Variants in MERTK observed in about 807,000 individuals in gnomAD.
The protein encoded by MERTK is tyrosine-protein kinase Mer.
In MERTK, 69 loss-of-function variants were observed where a neutral mutation model predicts 99.3. The observed-to-expected ratio is 0.70, with a 90% CI of 0.57 to 0.85. MERTK has a LOEUF of 0.85. Among genes scored for constraint, MERTK ranks in the 40% least tolerant of loss-of-function variants. MERTK has a pLI of 0.00. For synonymous variants in MERTK, 426 were observed against 467.6 expected (o/e 0.91, Z 1.15); for missense variants, 1,125 against 1,249.4 (o/e 0.90, Z 1.50).
chr2:111,920,706 T>TGCA (rs1347527203), intron 1 of MERTK, among the ~76,000 whole-genome samples: 2 of 152,106 alleles, frequency 1.3e-5, no homozygotes, highest in Non-Finnish European at 2.9e-5. Flanking sequence ...TACGCTGGAG[T>TGCA]GCAGTGGCGT....
Position 112,009,248 on chromosome 2 carries a change from A to T in MERTK, c.1961-700A>T, listed in dbSNP as rs186407800. On this transcript the variant is annotated intron_variant, in intron 14 of 18. Coordinates refer to ENST00000295408, the MANE Select transcript of MERTK (RefSeq NM_006343.3). ...TATACAGTATTATGTCAAATAAGCT[A>T]CTGTTATTCATTCACTGCTATTGGC... Among the ~76,000 whole-genome samples, 437 of 152,312 alleles carry T rather than the reference A, an allele frequency of 2.9e-3. 3 individuals carry two copies. Among genetic ancestry groups the T allele is most frequent in the African/African-American group, 6.4e-3 (264 of 41,566 alleles).
Position 111,901,559 on chromosome 2 carries a change from CT to C in MERTK, c.61+2779del, listed in dbSNP as rs11459119. On this transcript the variant is annotated intron_variant, in intron 1 of 18. Transcript: ENST00000295408. Reference sequence around the variant, plus strand: ...TGGAATTCTTTTCTTTTCTTTCTTTCTTTTTTTTTTTTTTTTGGCAGGTTCT... The same window carrying C: ...TGGAATTCTTTTCTTTTCTTTCTTTCTTTTTTTTTTTTTTTGGCAGGTTCT... Among the ~76,000 whole-genome samples the C allele has an allele frequency of 7.7e-4, 101 of 131,166 alleles. 1 individual carries two copies. The highest frequency in any genetic ancestry group is 2.0e-3 in the Admixed American group (25 of 12,320). The allele number at this position is 131,166 out of a possible 152,430, so 86.0% of individuals were successfully genotyped here. A position where few individuals can be genotyped will look rare whatever the true frequency, so the allele number is the denominator to read the frequency against.
At chr2:111,975,233 C>G in intron 6 of MERTK, 56 bp from the exon 7 acceptor site, 1 of 1,568,714 alleles carries the variant, frequency 6.4e-7, no homozygotes, top group Non-Finnish European at 8.8e-7. Flanking sequence ...AGGCCCCGTG[C>G]CTGACATTCC....
At chr2:111,944,303 C>CAAAA (rs776451722) in intron 2 of MERTK, among the ~76,000 whole-genome samples, 12 of 68,060 alleles carry the variant, frequency 1.8e-4, no homozygotes, top group Non-Finnish European at 2.3e-4. Flanking sequence ...GAATCTGTCT[C>CAAAA]AAAAAAAAAA....
intron 1 of MERTK, among the ~76,000 whole-genome samples, chr2:111,903,471 GA>G (rs1329306818): frequency 2.0e-5 from 3 of 151,238 alleles, no homozygotes; most frequent in Non-Finnish European, 3.0e-5. Flanking sequence ...ATTCCAACTA[GA>G]AAAAAAAATG....
intron 1 of MERTK, among the ~76,000 whole-genome samples, chr2:111,909,793 A>G (rs559120105): frequency 6.6e-6 from 1 of 152,190 alleles, no homozygotes; most frequent in Admixed American, 6.5e-5. Context: ...GTTCATCTGC[A>G]TCTCATTATT....
At chr2:111,928,775 C>T (rs946803780) in intron 1 of MERTK, among the ~76,000 whole-genome samples, 19 of 152,168 alleles carry the variant, frequency 1.2e-4, no homozygotes, top group Admixed American at 8.5e-4. Context: ...TGTGAGCCAC[C>T]GCGCCTGGCC....
intron 2 of MERTK, among the ~76,000 whole-genome samples, chr2:111,941,283 A>G (rs545516478): frequency 2.6e-5 from 4 of 152,202 alleles, no homozygotes; most frequent in Non-Finnish European, 2.9e-5. Flanking sequence ...TGATTCATTC[A>G]TAAGTGATCT....
chr2:111,901,555 C>G (rs948396345), intron 1 of MERTK, among the ~76,000 whole-genome samples: 3 of 133,900 alleles, frequency 2.2e-5, no homozygotes, highest in Non-Finnish European at 4.9e-5. Context: ...TCTTTTCTTT[C>G]TTTCTTTTTT....
At chr2:112,002,362 C>T (rs1456079758) in intron 11 of MERTK, among the ~76,000 whole-genome samples, 3 of 152,112 alleles carry the variant, frequency 2.0e-5, no homozygotes, top group Admixed American at 6.5e-5. Context: ...TGTGAGACTC[C>T]GTCCATGGCA....
At chr2:111,911,731 C>T (rs1468442538) in intron 1 of MERTK, among the ~76,000 whole-genome samples, 2 of 142,224 alleles carry the variant, frequency 1.4e-5, no homozygotes, top group Non-Finnish European at 3.0e-5. Flanking sequence ...TGGCTGTTGC[C>T]CAGGCTGAAA....
chr2:111,970,795 TCCTCCC>T (rs533433408), intron 6 of MERTK, among the ~76,000 whole-genome samples: 169 of 16,886 alleles, frequency 0.01, 2 homozygotes, highest in African/African-American at 0.035. Flanking sequence ...TCCCTCCTCC[TCCTCCC>T]CCCTCCTCCT....
At position 111,997,459 on chromosome 2, in the gene MERTK, C is replaced by G. The variant is rs1676772732; in HGVS notation, c.1587C>G (p.Val529=). 1 of 1,613,856 alleles carries G rather than the reference C, an allele frequency of 6.2e-7. No homozygotes were observed. Among genetic ancestry groups the G allele is most frequent in the Admixed American group, 1.7e-5 (1 of 59,994 alleles). Residue 529 remains valine (V), a synonymous_variant, in exon 10 of 19, where the codon GTC becomes GTG. Transcript: ENST00000295408. The part of the protein sequence containing the change: ...LYISLAIRKR[V]QETKFGNAFT... ...TCTCCTTGGCCATCAGAAAAAGAGT[C>G]CAGGAGACAAAGTTTGGGTAAGTCT...
intron 15 of MERTK, chr2:112,013,561 A>T (rs1677152876): frequency 6.5e-6 from 1 of 154,330 alleles, no homozygotes; most frequent in African/African-American, 2.4e-5. Context: ...TGTATTTTGT[A>T]TGTATTAATG....
Position 112,029,336 on chromosome 2 carries a change from A to G in MERTK, c.*472A>G. 2 of 941,732 alleles carry G rather than the reference A, an allele frequency of 2.1e-6. No homozygotes were observed. Among genetic ancestry groups the G allele is most frequent in the Non-Finnish European group, 2.5e-6 (2 of 789,428 alleles). 58.3% of individuals were successfully genotyped at this position (941,732 alleles called of 1,614,324 possible). A position where few individuals can be genotyped will look rare whatever the true frequency, so the allele number is the denominator to read the frequency against. On this transcript the variant is annotated 3_prime_UTR_variant, in exon 19 of 19. Coordinates refer to ENST00000295408, the MANE Select transcript of MERTK (RefSeq NM_006343.3). ...AGTTGTATAACTGATTAATTTTCTG[A>G]TATGGCTTCCTAATAAAATATGAAT... is the stretch of plus-strand genomic sequence containing the variant.
chr2:111,967,680 C>G (rs540132506), intron 5 of MERTK, among the ~76,000 whole-genome samples: 9 of 152,256 alleles, frequency 5.9e-5, no homozygotes, highest in South Asian at 2.1e-4. Context: ...TCCTGTGGCA[C>G]CCCTCTCTTC....
intron 16 of MERTK, among the ~76,000 whole-genome samples, chr2:112,021,203 A>C (rs1281120595): frequency 6.6e-6 from 1 of 151,912 alleles, no homozygotes; most frequent in Non-Finnish European, 1.5e-5. Flanking sequence ...CTATCTCAAA[A>C]GTCTCAAAAA....
At chr2:111,967,121 ACTGT>A (rs1461686272) in intron 5 of MERTK, among the ~76,000 whole-genome samples, 2 of 152,134 alleles carry the variant, frequency 1.3e-5, no homozygotes, top group Admixed American at 6.6e-5. Context: ...TGGTGTTCCC[ACTGT>A]CTGCTTGCTG....
At chr2:111,975,166 A>G in intron 6 of MERTK, 123 bp from the exon 7 acceptor site, 1 of 909,396 alleles carries the variant, frequency 1.1e-6, no homozygotes, top group South Asian at 1.3e-5. Flanking sequence ...GTGCCCAGAA[A>G]GGAAGCAGGT....
Sources: allele counts gnomAD v4.1 joint callset (sites outside exome capture counted in the v4.1 genomes callset), GRCh38; gene constraint gnomAD v4.1.1; transcripts MANE v1.5; gene names NCBI Gene and HGNC (gene_info 2026-07-23, HGNC 2026-07-21).